NFIX: variants seen among roughly 807,000 people sequenced by gnomAD.
The protein encoded by NFIX is nuclear factor I X.
A neutral mutation model predicts 53.3 loss-of-function variants in NFIX; 2 were observed. The observed-to-expected ratio is 0.04, with a 90% CI of 0.02 to 0.12. The LOEUF (loss-of-function observed/expected upper bound fraction) is 0.12, where lower values mean the gene tolerates loss of function less well. Ranked by LOEUF, NFIX falls within the 10% of genes least tolerant of loss-of-function variation. The pLI, the probability that NFIX is intolerant of heterozygous loss-of-function variation, is 1.00. For missense variants in NFIX, 310 were observed against 674.5 expected, an observed-to-expected ratio of 0.46 and a Z score of 5.99; for synonymous variants, 244 against 289.0, an observed-to-expected ratio of 0.84 and a Z score of 1.58.
chr19:12,999,487 AACACACACACACAC>A (rs111890375), intron 1 of NFIX, among the ~76,000 whole-genome samples: 3 of 149,382 alleles, frequency 2.0e-5, no homozygotes, highest in African/African-American at 2.5e-5. Context: ...TACCTTTTCA[AACACACACACACAC>A]ACACACACAC....
At chr19:13,092,519 G>T (rs1323433619) in intron 10 of NFIX, among the ~76,000 whole-genome samples, 4 of 152,246 alleles carry the variant, frequency 2.6e-5, no homozygotes, top group Admixed American at 6.5e-5. Context: ...AGGGGCCAGT[G>T]TGAGGCCCTG....
At chr19:13,030,030 G>A (rs191865529) in intron 2 of NFIX, among the ~76,000 whole-genome samples, 1 of 152,140 alleles carries the variant, frequency 6.6e-6, no homozygotes, top group African/African-American at 2.4e-5. Context: ...AGGAGCACCC[G>A]CCGCTTTCTC....
chr19:13,077,304 T>TCCTG (rs2017168107), intron 6 of NFIX, among the ~76,000 whole-genome samples: 1 of 152,192 alleles, frequency 6.6e-6, no homozygotes, highest in Admixed American at 6.5e-5. Flanking sequence ...CTTCCGGCAG[T>TCCTG]CCTGCCACGC....
At position 12,996,813 on chromosome 19, in the gene NFIX, G is replaced by T. The variant is rs546585803; in HGVS notation, c.27+949G>T. ...TTGGCGCGTTGCTAGAGCGCGTCCC[G>T]CCTGCAGCGAAGTTCCCTGCGCGGC... On this transcript the variant is annotated intron_variant, in intron 1 of 10. Coordinates refer to ENST00000592199, the MANE Select transcript of NFIX (RefSeq NM_001365902.3). The surrounding 1 kb of genome is among the most constrained non-coding windows in gnomAD (Gnocchi z 5.2). Among the ~76,000 whole-genome samples the T allele has an allele frequency of 3.3e-5, 5 of 152,266 alleles. No homozygotes were observed. Among genetic ancestry groups the T allele is most frequent in the African/African-American group, 1.2e-4 (5 of 41,476 alleles).
chr19:13,003,813 A>AT (rs1301972173), intron 1 of NFIX, among the ~76,000 whole-genome samples: 4 of 151,862 alleles, frequency 2.6e-5, no homozygotes, highest in Non-Finnish European at 4.4e-5. Context: ...TAATTTTTAA[A>AT]TTTTTTTGTA....
intron 2 of NFIX, among the ~76,000 whole-genome samples, chr19:13,064,815 A>G (rs2016303505): frequency 6.6e-6 from 1 of 152,250 alleles, no homozygotes; most frequent in African/African-American, 2.4e-5. Context: ...ATAAGCATTC[A>G]GCAAATGGAG....
rs1016325136 is a variant in NFIX at position 13,052,028 on chromosome 19, TTCTG to T, written c.560-21015_560-21012del. ...CCCACTCCTCTGTGCCCCATTTCCC[TTCTG>T]TCTTTCCTTTGCTGTCCACTCTGCT... On this transcript the variant is annotated intron_variant, in intron 2 of 10. Coordinates refer to ENST00000592199, the MANE Select transcript of NFIX (RefSeq NM_001365902.3). The surrounding 1 kb of genome is among the most constrained non-coding windows in gnomAD (Gnocchi z 5.2). Among the ~76,000 whole-genome samples, 2 of 152,202 alleles carry T rather than the reference TTCTG, an allele frequency of 1.3e-5. No individual in the cohort carries two copies. Among genetic ancestry groups the T allele is most frequent in the African/African-American group, 2.4e-5 (1 of 41,454 alleles).
chr19:13,071,635 A>T (rs1341060814), intron 2 of NFIX, among the ~76,000 whole-genome samples: 1 of 152,246 alleles, frequency 6.6e-6, no homozygotes, highest in Non-Finnish European at 1.5e-5. Context: ...GACTCGCTAC[A>T]ATAGTATTTA....
chr19:13,074,752 T>C (rs2016979303), intron 5 of NFIX, among the ~76,000 whole-genome samples: 1 of 151,412 alleles, frequency 6.6e-6, no homozygotes, highest in Admixed American at 6.6e-5. Context: ...GCGAGATTTT[T>C]GGCATTCATT....
intron 1 of NFIX, among the ~76,000 whole-genome samples, chr19:13,017,262 CT>C (rs2012720412): frequency 6.6e-6 from 1 of 152,230 alleles, no homozygotes. Flanking sequence ...GTGTCATTCT[CT>C]GCAGGGGCTA....
In NFIX at chr19:13,037,385, T is replaced by G. The variant is rs1337648048; in HGVS notation, c.559+11833T>G. ...TTCAGCCTTAGTAATCTAAGAAATA[T>G]GTGAGCAATTTGATGCGGATCTCAG... On this transcript the variant is annotated intron_variant, in intron 2 of 10. Coordinates refer to ENST00000592199, the MANE Select transcript of NFIX (RefSeq NM_001365902.3). This position sits in a 1 kb window ranked among gnomAD's most constrained non-coding sequence, Gnocchi z 4.2. Among the ~76,000 whole-genome samples the G allele has an allele frequency of 6.6e-6, 1 of 152,190 alleles. No individual in the cohort carries two copies. Among genetic ancestry groups the G allele is most frequent in the East Asian group, 1.9e-4 (1 of 5,202 alleles).
chr19:13,030,204 C>T (rs1358329373), intron 2 of NFIX, among the ~76,000 whole-genome samples: 1 of 152,222 alleles, frequency 6.6e-6, no homozygotes. Context: ...GCAGGATCTA[C>T]AGATTATCTT....
rs572234839 is a variant in NFIX, at chr19:13,090,986, C to T, written c.1494+596C>T. On this transcript the variant is annotated intron_variant, in intron 10 of 10. Transcript: ENST00000592199. This position sits in a 1 kb window ranked among gnomAD's most constrained non-coding sequence, Gnocchi z 6.6. ...TGCTCCTATCCCCTGCTGACACCACCCTTAGTTCTCACCAGGAGACAGATC... is the reference window on the plus strand; with the variant it reads ...TGCTCCTATCCCCTGCTGACACCACTCTTAGTTCTCACCAGGAGACAGATC... Among the ~76,000 whole-genome samples the T allele has an allele frequency of 1.1e-4, 17 of 152,248 alleles. No individual in the cohort carries two copies. Among genetic ancestry groups the T allele is most frequent in the African/African-American group, 3.1e-4 (13 of 41,554 alleles).
intron 8 of NFIX, among the ~76,000 whole-genome samples, chr19:13,084,422 C>T (rs940648296): frequency 1.3e-5 from 2 of 151,924 alleles, no homozygotes; most frequent in South Asian, 2.1e-4. Flanking sequence ...CCAGTCTGGG[C>T]GACAGAGTGA....
In NFIX at chr19:13,052,906, G is replaced by A. The variant is rs1438078796; in HGVS notation, c.560-20141G>A. Among the ~76,000 whole-genome samples, 2 of 152,286 alleles carry A rather than the reference G, an allele frequency of 1.3e-5. No homozygotes were observed. Among genetic ancestry groups the A allele is most frequent in the South Asian group, 2.1e-4 (1 of 4,834 alleles). On this transcript the variant is annotated intron_variant, in intron 2 of 10. Transcript: ENST00000592199. The surrounding 1 kb of genome is among the most constrained non-coding windows in gnomAD (Gnocchi z 5.2). ...GTCTGTGTCTTCCCATGTTCCCTTCGTCCTGTTCACAGGGAGGTGGAAATC... is the reference window on the plus strand; with the variant it reads ...GTCTGTGTCTTCCCATGTTCCCTTCATCCTGTTCACAGGGAGGTGGAAATC...
intron 2 of NFIX, among the ~76,000 whole-genome samples, chr19:13,035,916 T>C (rs2014153778): frequency 6.6e-6 from 1 of 152,246 alleles, no homozygotes; most frequent in South Asian, 2.1e-4. Flanking sequence ...GCAGAGCCAA[T>C]GTCCCTGTCT....
intron 8 of NFIX, among the ~76,000 whole-genome samples, chr19:13,086,117 C>A (rs1221631869): frequency 1.3e-5 from 2 of 152,232 alleles, no homozygotes; most frequent in Admixed American, 1.3e-4. Context: ...AGCAAGCCAG[C>A]GTGCAGTCCT....
Position 13,075,529 on chromosome 19 carries a change from C to A in NFIX, c.819-6C>A. 6.2e-7 allele frequency: 1 copy of A among 1,613,416 alleles called. No homozygotes were observed. The highest frequency in any genetic ancestry group is 1.1e-5 in the South Asian group (1 of 90,960). On this transcript the variant is annotated splice_polypyrimidine_tract_variant and splice_region_variant and intron_variant, in intron 5 of 10. Coordinates refer to ENST00000592199, the MANE Select transcript of NFIX (RefSeq NM_001365902.3). ...TGGCCCATGTGACCCTTTCTTTCTT[C>A]CCCAGCACCACCAAGCGCCCCAAGT... is the stretch of plus-strand genomic sequence containing the variant.
chr19:13,032,072 C>A (rs547180810), intron 2 of NFIX, among the ~76,000 whole-genome samples: 1 of 152,314 alleles, frequency 6.6e-6, no homozygotes, highest in East Asian at 1.9e-4. Flanking sequence ...GCCGTGTCAG[C>A]GCGGTGCTCG....
Sources: gnomAD v4.1 joint callset for allele counts (sites outside exome capture counted in the v4.1 genomes callset) on GRCh38, gnomAD v4.1.1 for gene constraint, Gnocchi (gnomAD v3.1) non-coding constraint, MANE v1.5 for transcripts, NCBI Gene and HGNC (gene_info 2026-07-23, HGNC 2026-07-21) for gene names.